Variants in CDRT4 observed in about 807,000 individuals in gnomAD.
CDRT4 encodes the protein CMT1A duplicated region transcript 4.
For missense variants in CDRT4, 167 were observed against 193.1 expected (o/e 0.87, Z 0.80); for synonymous variants, 64 against 69.6 (o/e 0.92, Z 0.40).
rs1454220625 is a variant in CDRT4 at position 15,438,344 on chromosome 17, T to C, written c.32-144A>G. The C allele has an allele frequency of 8.5e-6, 6 of 705,350 alleles. No individual in the cohort carries two copies. In the African/African-American group the frequency reaches 9.0e-5, roughly 11 times the overall value. 43.7% of individuals were successfully genotyped at this position (705,350 alleles called of 1,614,324 possible). A position where few individuals can be genotyped will look rare whatever the true frequency, so the allele number is the denominator to read the frequency against. ...GTATTCAGTAGGAATAAAATCCAAT[T>C]CAAAGTGGGGGAACAGAACGACATC... On this transcript the variant is annotated intron_variant, in intron 3 of 3. Transcript: ENST00000619038.
chr17:15,443,802 A>T (rs2954769), intron 2 of CDRT4: 81,350 of 537,430 alleles, frequency 0.15, 12,004 homozygotes, highest in East Asian at 0.48. Context: ...CGGGTTGACA[A>T]AGGGTGGGGT....
chr17:15,457,331 C>T (rs1380263662), intron 1 of CDRT4, among the ~76,000 whole-genome samples: 4 of 152,160 alleles, frequency 2.6e-5, no homozygotes, highest in Non-Finnish European at 5.9e-5. Context: ...TTCTCATTCC[C>T]GGATGCGTTT....
chr17:15,463,277 A>G (rs1054869086), intron 1 of CDRT4, among the ~76,000 whole-genome samples: 1 of 152,072 alleles, frequency 6.6e-6, no homozygotes, highest in African/African-American at 2.4e-5. Context: ...GAGAACGCAA[A>G]GCCTGGAGAT....
chr17:15,451,680 T>C (rs550587646), intron 2 of CDRT4, among the ~76,000 whole-genome samples: 1 of 152,300 alleles, frequency 6.6e-6, no homozygotes, highest in East Asian at 1.9e-4. Context: ...CTGCCTGGGA[T>C]GCATGTGTCC....
At chr17:15,457,007 G>A (rs1979515808) in intron 1 of CDRT4, among the ~76,000 whole-genome samples, 2 of 152,170 alleles carry the variant, frequency 1.3e-5, no homozygotes, top group Non-Finnish European at 2.9e-5. Flanking sequence ...GCACTGCTCA[G>A]CACCAAGAGA....
chr17:15,436,167 G>A lies in CDRT4; in HGVS notation c.*1606C>T, dbSNP rs143413776. Reference sequence around the variant, plus strand: ...GTTGGGAACCAATAACAGGTCTAGAGCTCCTAATTTAGGCAGCTGTCCCAA... The same window carrying A: ...GTTGGGAACCAATAACAGGTCTAGAACTCCTAATTTAGGCAGCTGTCCCAA... On this transcript the variant is annotated 3_prime_UTR_variant, in exon 4 of 4. Transcript: ENST00000619038. 16 of 152,310 alleles carry A rather than the reference G, an allele frequency of 1.1e-4. No individual in the cohort carries two copies. In the East Asian group the frequency reaches 2.9e-3, roughly 28 times the overall value. 9.4% of individuals were successfully genotyped at this position (152,310 alleles called of 1,614,324 possible). A position where few individuals can be genotyped will look rare whatever the true frequency, so the allele number is the denominator to read the frequency against.
intron 1 of CDRT4, among the ~76,000 whole-genome samples, chr17:15,457,254 C>G (rs1979528114): frequency 6.6e-6 from 1 of 152,196 alleles, no homozygotes; most frequent in African/African-American, 2.4e-5. Context: ...TCCTTATGAG[C>G]CCGACTTCTG....
At chr17:15,458,489 G>C (rs1373626483) in intron 1 of CDRT4, among the ~76,000 whole-genome samples, 1 of 152,116 alleles carries the variant, frequency 6.6e-6, no homozygotes, top group East Asian at 1.9e-4. Flanking sequence ...GCCACCAGAA[G>C]CTCTGAGTAG....
rs751672184 is a variant in CDRT4, at chr17:15,450,534, C to A, written c.-48+2470G>T. 6.6e-6 allele frequency among the ~76,000 whole-genome samples: 1 copy of A among 152,102 alleles called. No homozygotes were observed. Among genetic ancestry groups the A allele is most frequent in the Non-Finnish European group, 1.5e-5 (1 of 68,020 alleles). ...GGAGTGGAATCCCACCATCACTCAGCAAGCTCCTTCTGTCTCCATTGAGGA... is the reference window on the plus strand; with the variant it reads ...GGAGTGGAATCCCACCATCACTCAGAAAGCTCCTTCTGTCTCCATTGAGGA... On this transcript the variant is annotated intron_variant, in intron 2 of 3. Transcript: ENST00000619038. The surrounding 1 kb of genome is among the most constrained non-coding windows in gnomAD (Gnocchi z 4.2).
intron 1 of CDRT4, among the ~76,000 whole-genome samples, chr17:15,456,010 T>C (rs908511574): frequency 5.9e-5 from 9 of 152,274 alleles, no homozygotes; most frequent in African/African-American, 2.2e-4. Flanking sequence ...AAAAAGCCCC[T>C]AGCAGACCTA....
chr17:15,465,492 T>C (rs1979992215), intron 1 of CDRT4, among the ~76,000 whole-genome samples: 2 of 128,834 alleles, frequency 1.6e-5, no homozygotes, highest in Non-Finnish European at 3.3e-5. Context: ...ACACCAGACA[T>C]ACAAACACAG....
chr17:15,438,326 G>A (rs1261880128), intron 3 of CDRT4, 126 bp from the exon 4 acceptor site: 2 of 809,140 alleles, frequency 2.5e-6, no homozygotes, highest in Non-Finnish European at 1.9e-6. Flanking sequence ...CTTGTATTCA[G>A]TAGGAATAAA....
At chr17:15,461,866 G>A (rs1057127733) in intron 1 of CDRT4, among the ~76,000 whole-genome samples, 1 of 152,108 alleles carries the variant, frequency 6.6e-6, no homozygotes, top group African/African-American at 2.4e-5. Context: ...CATTACTGAA[G>A]GGATGAAAAA....
At chr17:15,448,437 G>A (rs78109166) in intron 2 of CDRT4, among the ~76,000 whole-genome samples, 1,785 of 152,302 alleles carry the variant, frequency 0.012, 14 homozygotes, top group Non-Finnish European at 0.018. Flanking sequence ...GAAAGCAAAA[G>A]GTGTAGGGCT....
At chr17:15,439,126 A>C in intron 3 of CDRT4, 1 of 456,088 alleles carries the variant, frequency 2.2e-6, no homozygotes, top group South Asian at 1.5e-5. Flanking sequence ...AAATGATTCA[A>C]TTTCTCTCCT....
chr17:15,436,880 G>A lies in CDRT4; in HGVS notation c.*893C>T, dbSNP rs1332499400. On this transcript the variant is annotated 3_prime_UTR_variant, in exon 4 of 4. Coordinates refer to ENST00000619038, the MANE Select transcript of CDRT4 (RefSeq NM_001204477.2). ...CTGGGATTCTACAAACCACATTCTG[G>A]CTTTGTGCCCTGATAGGCTCAGCCC... The A allele has an allele frequency of 6.6e-6, 1 of 152,160 alleles. No individual in the cohort carries two copies. Among genetic ancestry groups the A allele is most frequent in the African/African-American group, 2.4e-5 (1 of 41,434 alleles). 9.4% of individuals were successfully genotyped at this position (152,160 alleles called of 1,614,324 possible). A position where few individuals can be genotyped will look rare whatever the true frequency, so the allele number is the denominator to read the frequency against.
chr17:15,450,942 A>G lies in CDRT4; in HGVS notation c.-48+2062T>C, dbSNP rs1350895501. Among the ~76,000 whole-genome samples, 1 of 152,132 alleles carries G rather than the reference A, an allele frequency of 6.6e-6. No individual in the cohort carries two copies. Among genetic ancestry groups the G allele is most frequent in the African/African-American group, 2.4e-5 (1 of 41,434 alleles). Reference sequence around the variant, plus strand: ...CATGATTTAACTTCTCTACACCACCAGCCTCCTCTAAGACATCAACATCTA... The same window carrying G: ...CATGATTTAACTTCTCTACACCACCGGCCTCCTCTAAGACATCAACATCTA... On this transcript the variant is annotated intron_variant, in intron 2 of 3. Transcript: ENST00000619038. This position sits in a 1 kb window ranked among gnomAD's most constrained non-coding sequence, Gnocchi z 4.2.
intron 2 of CDRT4, among the ~76,000 whole-genome samples, chr17:15,446,512 T>A (rs1420579936): frequency 6.6e-6 from 1 of 152,102 alleles, no homozygotes; most frequent in Non-Finnish European, 1.5e-5. Flanking sequence ...TCCCTCTCCC[T>A]ATGCAATAAT....
rs2150791349 is a variant in CDRT4, at chr17:15,450,002, T to C, written c.-48+3002A>G. Among the ~76,000 whole-genome samples, 1 of 152,356 alleles carries C rather than the reference T, an allele frequency of 6.6e-6. No individual in the cohort carries two copies. Among genetic ancestry groups the C allele is most frequent in the African/African-American group, 2.4e-5 (1 of 41,582 alleles). ...TTGATTCCATGACTGCTATTATGAA[T>C]AGTGCTGGGATAAACATATGAGTGC... On this transcript the variant is annotated intron_variant, in intron 2 of 3. Transcript: ENST00000619038. The surrounding 1 kb of genome is among the most constrained non-coding windows in gnomAD (Gnocchi z 4.2).
Sources: allele counts gnomAD v4.1 joint callset (sites outside exome capture counted in the v4.1 genomes callset), GRCh38; gene constraint gnomAD v4.1.1; non-coding constraint Gnocchi (gnomAD v3.1); transcripts MANE v1.5; gene names NCBI Gene and HGNC (gene_info 2026-07-23, HGNC 2026-07-21).